Variants in TNS3 observed in about 807,000 individuals in gnomAD.
The protein encoded by TNS3 is tensin-3.
TNS3 carries 45 observed loss-of-function variants against 140.9 expected under a neutral mutation model. That is an observed-to-expected ratio of 0.32 (90% CI 0.25 to 0.41). The LOEUF is 0.41. Ranked by LOEUF, TNS3 falls within the 10% of genes least tolerant of loss-of-function variation. The probability of loss-of-function intolerance (pLI) is 1.00; values close to 1 mark genes in which losing one functional copy is unlikely to be tolerated. For missense variants in TNS3, 1,716 were observed against 1,906.7 expected, an observed-to-expected ratio of 0.90 and a Z score of 1.86; for synonymous variants, 815 against 788.4, an observed-to-expected ratio of 1.03 and a Z score of -0.56.
At chr7:47,480,220 G>A (rs1485206470) in intron 4 of TNS3, among the ~76,000 whole-genome samples, 1 of 152,212 alleles carries the variant, frequency 6.6e-6, no homozygotes, top group Non-Finnish European at 1.5e-5. Context: ...GGCGAAGCTA[G>A]GGGGAGCCAA....
Position 47,280,921 on chromosome 7 carries a change from A to C in TNS3, c.4098-567T>G, listed in dbSNP as rs565258454. ...GAGTGAGATTCCATCTCAAAAAAAA[A>C]AAAGCCCTAACAAACTGGAAAAGCT... On this transcript the variant is annotated intron_variant, in intron 28 of 30. Transcript: ENST00000311160. 2.1e-4 allele frequency among the ~76,000 whole-genome samples: 32 copies of C among 152,096 alleles called. No individual in the cohort carries two copies. In the South Asian group the frequency reaches 6.4e-3, roughly 31 times the overall value.
intron 20 of TNS3, among the ~76,000 whole-genome samples, chr7:47,341,062 C>T (rs1788983063): frequency 6.6e-6 from 1 of 152,048 alleles, no homozygotes; most frequent in African/African-American, 2.4e-5. Flanking sequence ...TTTTCAAATA[C>T]TAAACCAGCC....
intron 5 of TNS3, among the ~76,000 whole-genome samples, chr7:47,440,008 G>A (rs921068067): frequency 3.9e-5 from 6 of 152,156 alleles, no homozygotes; most frequent in African/African-American, 1.2e-4. Context: ...CTGGGAGCAG[G>A]AACAGGGTTC....
intron 2 of TNS3, among the ~76,000 whole-genome samples, chr7:47,526,942 A>G (rs1468152365): frequency 2.0e-5 from 3 of 152,116 alleles, no homozygotes; most frequent in Non-Finnish European, 4.4e-5. Context: ...TTAAAATATG[A>G]GCATTTCTGG....
chr7:47,303,705 C>T, intron 21 of TNS3, 121 bp from the exon 22 acceptor site: 2 of 1,233,042 alleles, frequency 1.6e-6, no homozygotes, highest in East Asian at 2.6e-5. Flanking sequence ...GCCCTCCAGG[C>T]AGCACAGGAG....
chr7:47,486,831 C>A (rs1231011918), intron 3 of TNS3, among the ~76,000 whole-genome samples: 3 of 152,210 alleles, frequency 2.0e-5, no homozygotes, highest in Admixed American at 6.5e-5. Context: ...CCATCAGTTT[C>A]TCTAAAGCCG....
At position 47,539,869 on chromosome 7, in the gene TNS3, G is replaced by A. The variant is rs115504321; in HGVS notation, c.-264-10722C>T. On this transcript the variant is annotated intron_variant, in intron 1 of 30. Transcript: ENST00000311160. Reference sequence around the variant, plus strand: ...GCTGTATTTCCACCACATCAACACCGGTGTTCACTGCCTGTCTCAGACCAC... The same window carrying A: ...GCTGTATTTCCACCACATCAACACCAGTGTTCACTGCCTGTCTCAGACCAC... Among the ~76,000 whole-genome samples, 1,284 of 152,246 alleles carry A rather than the reference G, an allele frequency of 8.4e-3. 26 individuals are homozygous for A. Among genetic ancestry groups the A allele is most frequent in the African/African-American group, 0.028 (1,178 of 41,534 alleles).
chr7:47,481,332 C>T lies in TNS3; in HGVS notation c.-114-191G>A, dbSNP rs1016325208. 6.5e-5 allele frequency: 25 copies of T among 381,972 alleles called. 1 individual carries two copies. The highest frequency in any genetic ancestry group is 5.6e-4 in the South Asian group (24 of 42,676). The allele number at this position is 381,972 out of a possible 1,614,324, so 23.7% of individuals were successfully genotyped here. On this transcript the variant is annotated intron_variant, in intron 3 of 30. Transcript: ENST00000311160. ...AGGGTTTTGTTCACTTTTGGAAAGT[C>T]CCTGTCATTTTTGCTAATGTCATGG...
intron 4 of TNS3, among the ~76,000 whole-genome samples, chr7:47,457,890 CAG>C (rs1796323922): frequency 6.6e-6 from 1 of 152,152 alleles, no homozygotes; most frequent in African/African-American, 2.4e-5. Context: ...GGGACAATGA[CAG>C]GGACCCAGCA....
Position 47,306,675 on chromosome 7 carries a change from C to A in TNS3, c.2651-1672G>T, listed in dbSNP as rs1264686847. On this transcript the variant is annotated intron_variant, in intron 20 of 30. Transcript: ENST00000311160. ...CTGCAAGCTCCACCTCCCGCGTTCACGCCATTCTCCTGCCTCGGCCTCCCG... is the reference window on the plus strand; with the variant it reads ...CTGCAAGCTCCACCTCCCGCGTTCAAGCCATTCTCCTGCCTCGGCCTCCCG... 3.3e-5 allele frequency among the ~76,000 whole-genome samples: 5 copies of A among 152,230 alleles called. No individual in the cohort carries two copies. The South Asian group carries it at 6.2e-4, about 19-fold the overall frequency.
intron 2 of TNS3, among the ~76,000 whole-genome samples, chr7:47,510,574 T>C (rs1247790208): frequency 6.6e-6 from 1 of 152,128 alleles, no homozygotes; most frequent in Non-Finnish European, 1.5e-5. Flanking sequence ...AATTAGAATT[T>C]TAAAAGACTA....
At chr7:47,418,999 G>A (rs575426431) in intron 10 of TNS3, among the ~76,000 whole-genome samples, 10 of 152,348 alleles carry the variant, frequency 6.6e-5, no homozygotes, top group Admixed American at 3.9e-4. Context: ...AGCACCAACC[G>A]GCCAGGAAAG....
intron 10 of TNS3, among the ~76,000 whole-genome samples, chr7:47,420,517 C>T (rs1017636091): frequency 1.3e-5 from 2 of 152,174 alleles, no homozygotes. Flanking sequence ...CGTACAACTT[C>T]CTAAACATAC....
Position 47,492,946 on chromosome 7 carries a change from G to A in TNS3, c.-114-11805C>T, listed in dbSNP as rs776130713. The stretch of plus-strand genomic sequence containing the variant: ...CTGAGCTCACAGGGAGCAGAGCCTC[G>A]GGCGATGACATCAGCTAATGCCACC... On this transcript the variant is annotated intron_variant, in intron 3 of 30. Transcript: ENST00000311160. 4.6e-5 allele frequency among the ~76,000 whole-genome samples: 7 copies of A among 152,292 alleles called. 1 individual carries two copies. The highest frequency in any genetic ancestry group is 3.9e-4 in the East Asian group (2 of 5,186).
chr7:47,315,147 A>T (rs1461167048), intron 20 of TNS3, among the ~76,000 whole-genome samples: 2 of 152,242 alleles, frequency 1.3e-5, no homozygotes, highest in African/African-American at 4.8e-5. Flanking sequence ...TTTTAGTTCC[A>T]GCATCCTGCT....
chr7:47,458,368 G>C (rs114936807), intron 4 of TNS3, among the ~76,000 whole-genome samples: 2 of 152,198 alleles, frequency 1.3e-5, no homozygotes, highest in Non-Finnish European at 2.9e-5. Context: ...GGACAGATGT[G>C]TCCTCTAACC....
chr7:47,393,440 A>T (rs993574294), intron 16 of TNS3, among the ~76,000 whole-genome samples: 2 of 152,140 alleles, frequency 1.3e-5, no homozygotes, highest in Admixed American at 6.5e-5. Flanking sequence ...AAGAATACTC[A>T]GGCAGTGGTT....
chr7:47,330,258 C>G (rs529656556), intron 20 of TNS3, among the ~76,000 whole-genome samples: 11 of 152,196 alleles, frequency 7.2e-5, no homozygotes, highest in African/African-American at 2.4e-4. Flanking sequence ...TGGAAGAGGA[C>G]AGCCCACCCC....
intron 10 of TNS3, among the ~76,000 whole-genome samples, chr7:47,420,505 T>A (rs1351834917): frequency 6.6e-6 from 1 of 152,118 alleles, no homozygotes; most frequent in Admixed American, 6.6e-5. Context: ...CAGATAGGCA[T>A]GCGTACAACT....
Sources: gnomAD v4.1 joint callset for allele counts (sites outside exome capture counted in the v4.1 genomes callset) on GRCh38, gnomAD v4.1.1 for gene constraint, MANE v1.5 for transcripts, NCBI Gene and HGNC (gene_info 2026-07-23, HGNC 2026-07-21) for gene names.